Variants in USP32 observed in about 807,000 individuals in gnomAD.
USP32 encodes the protein ubiquitin carboxyl-terminal hydrolase 32.
Under a neutral mutation model 204.8 loss-of-function variants are expected in USP32, and 59 were observed. The ratio of observed to expected loss-of-function variants is 0.29; its 90% confidence interval spans 0.23 to 0.36. The LOEUF is 0.36. Ranked by LOEUF, USP32 falls within the 10% of genes least tolerant of loss-of-function variation. USP32 has a pLI of 1.00. For missense variants in USP32, 1,160 were observed against 1,946.4 expected, an observed-to-expected ratio of 0.60 and a Z score of 7.60; for synonymous variants, 517 against 678.4, an observed-to-expected ratio of 0.76 and a Z score of 3.70.
At chr17:60,236,490 T>G (rs1298261885) in intron 11 of USP32, among the ~76,000 whole-genome samples, 1 of 150,282 alleles carries the variant, frequency 6.7e-6, no homozygotes, top group Non-Finnish European at 1.5e-5. Flanking sequence ...TTAAAAAAAA[T>G]TAGAAAAACA....
At chr17:60,390,140 A>G (rs886968750) in intron 1 of USP32, among the ~76,000 whole-genome samples, 1 of 152,242 alleles carries the variant, frequency 6.6e-6, no homozygotes, top group Non-Finnish European at 1.5e-5. Flanking sequence ...TTAAACAAAA[A>G]CCTTCCAGTC....
upstream of USP32, chr17:60,392,207 T>C (rs1287361780): frequency 1.4e-5 from 5 of 351,714 alleles, no homozygotes; most frequent in Admixed American, 1.4e-4. Flanking sequence ...TCCCTCTCCT[T>C]CCCTCCTCAC....
chr17:60,404,305 C>T (rs2089959264), intron 1 of USP32, among the ~76,000 whole-genome samples: 1 of 152,008 alleles, frequency 6.6e-6, no homozygotes, highest in African/African-American at 2.4e-5. Context: ...TGCAAGTGTT[C>T]TTTGTGCTAT....
intron 28 of USP32, among the ~76,000 whole-genome samples, chr17:60,191,899 C>T (rs144055742): frequency 6.6e-6 from 1 of 152,310 alleles, no homozygotes; most frequent in Non-Finnish European, 1.5e-5. Context: ...GTTGTAACAG[C>T]AATGACCAAT....
At chr17:60,301,487 G>GTA in intron 3 of USP32, 112 bp downstream of exon 3, 1 of 615,270 alleles carries the variant, frequency 1.6e-6, no homozygotes, top group Non-Finnish European at 2.7e-6. Flanking sequence ...TTTACCACTT[G>GTA]TATATCTTCT....
intron 5 of USP32, among the ~76,000 whole-genome samples, chr17:60,282,293 C>T (rs1482208023): frequency 6.6e-6 from 1 of 152,206 alleles, no homozygotes; most frequent in African/African-American, 2.4e-5. Flanking sequence ...TAGAACTTTG[C>T]AACTTTCAAC....
intron 1 of USP32, among the ~76,000 whole-genome samples, chr17:60,352,846 G>T (rs2088980395): frequency 6.6e-6 from 1 of 152,166 alleles, no homozygotes; most frequent in Non-Finnish European, 1.5e-5. Context: ...AGGTAAGAAG[G>T]CAGATTCAAG....
Position 60,221,503 on chromosome 17 carries a change from T to C in USP32, c.1749+906A>G, listed in dbSNP as rs540151641. 4.6e-5 allele frequency among the ~76,000 whole-genome samples: 7 copies of C among 151,794 alleles called. 1 individual carries two copies. In the South Asian group the frequency reaches 1.5e-3, roughly 32 times the overall value. On this transcript the variant is annotated intron_variant, in intron 15 of 33. Transcript: ENST00000300896. Reference sequence around the variant, plus strand: ...TGGACATTATAAAAGGAAGAGTGTTTCTTTCTTTTTTTTTTTTTTGAGACG... The same window carrying C: ...TGGACATTATAAAAGGAAGAGTGTTCCTTTCTTTTTTTTTTTTTTGAGACG...
At chr17:60,190,186 T>G (rs555038249) in intron 29 of USP32, among the ~76,000 whole-genome samples, 1 of 152,346 alleles carries the variant, frequency 6.6e-6, no homozygotes, top group African/African-American at 2.4e-5. Context: ...CCTGTGTCTG[T>G]TCTCCTTTGA....
chr17:60,361,594 T>C (rs188430291), intron 1 of USP32, among the ~76,000 whole-genome samples: 99 of 152,296 alleles, frequency 6.5e-4, no homozygotes, highest in African/African-American at 2.3e-3. Context: ...CTCTACCAAT[T>C]TACATTCCCA....
intron 17 of USP32, 35 bp from the exon 18 acceptor site, chr17:60,213,697 G>A (rs1450139705): frequency 1.1e-5 from 14 of 1,270,332 alleles, no homozygotes; most frequent in Non-Finnish European, 1.4e-5. Context: ...TTGTTATTTG[G>A]TTAGTAAACT....
intron 1 of USP32, among the ~76,000 whole-genome samples, chr17:60,411,556 TAGAG>T (rs1011833124): frequency 4.7e-5 from 7 of 150,056 alleles, no homozygotes; most frequent in African/African-American, 1.7e-4. Context: ...TTATTTGTTT[TAGAG>T]AGAGAGGTCT....
chr17:60,193,880 G>A (rs2084447503), intron 27 of USP32, among the ~76,000 whole-genome samples: 1 of 152,140 alleles, frequency 6.6e-6, no homozygotes, highest in South Asian at 2.1e-4. Context: ...TCCAAATCAG[G>A]CCAGCAATAA....
intron 1 of USP32, among the ~76,000 whole-genome samples, chr17:60,377,607 A>C (rs887293487): frequency 1.3e-5 from 2 of 152,200 alleles, no homozygotes; most frequent in African/African-American, 4.8e-5. Context: ...CCTTTTATTA[A>C]TGTTTGCTAA....
chr17:60,295,483 G>T (rs565630669), intron 3 of USP32, among the ~76,000 whole-genome samples: 1 of 152,226 alleles, frequency 6.6e-6, no homozygotes, highest in Admixed American at 6.5e-5. Flanking sequence ...ATATTAAATG[G>T]AAATTTCCAG....
At chr17:60,353,319 G>T (rs892896707) in intron 1 of USP32, among the ~76,000 whole-genome samples, 8 of 152,066 alleles carry the variant, frequency 5.3e-5, no homozygotes, top group Non-Finnish European at 1.0e-4. Flanking sequence ...GGAACCCAAC[G>T]TTATTTCCAA....
intron 1 of USP32, among the ~76,000 whole-genome samples, chr17:60,389,269 C>T (rs373562033): frequency 2.0e-5 from 3 of 152,108 alleles, no homozygotes; most frequent in Non-Finnish European, 4.4e-5. Context: ...TGGGGACAGC[C>T]GCAGTGGCTC....
At chr17:60,263,052 G>A (rs1170213805) in intron 9 of USP32, among the ~76,000 whole-genome samples, 1 of 151,920 alleles carries the variant, frequency 6.6e-6, no homozygotes, top group African/African-American at 2.4e-5. Flanking sequence ...AGGCTCAAAT[G>A]ATCCTCTCGC....
At chr17:60,352,350 A>C (rs2088969288) in intron 1 of USP32, among the ~76,000 whole-genome samples, 1 of 152,176 alleles carries the variant, frequency 6.6e-6, no homozygotes. Flanking sequence ...TTTTTGAGTG[A>C]ACGTCAAAGT....
Sources: allele counts gnomAD v4.1 joint callset (sites outside exome capture counted in the v4.1 genomes callset), GRCh38; gene constraint gnomAD v4.1.1; transcripts MANE v1.5; gene names NCBI Gene and HGNC (gene_info 2026-07-23, HGNC 2026-07-21).